The following STAT5B variants were observed in gnomAD, a reference collection of about 807,000 sequenced individuals.
STAT5B encodes the protein transcription factor STAT5B.
In STAT5B, 21 loss-of-function variants were observed where a neutral mutation model predicts 107.8. The observed-to-expected ratio is 0.19, with a 90% confidence interval of 0.14 to 0.28. STAT5B has a LOEUF of 0.28. Among genes scored for constraint, STAT5B ranks in the 10% least tolerant of loss-of-function variants. STAT5B has a pLI of 1.00. For missense variants in STAT5B, 565 were observed against 1,008.2 expected (o/e 0.56, Z 5.95); for synonymous variants, 325 against 401.7 (o/e 0.81, Z 2.28).
intron 1 of STAT5B, among the ~76,000 whole-genome samples, chr17:42,249,146 C>T (rs2080476834): frequency 6.6e-6 from 1 of 152,214 alleles, no homozygotes. Flanking sequence ...AATCCCAGCA[C>T]TTTGGGAGGC....
chr17:42,235,714 G>A (rs2080351441), intron 1 of STAT5B, among the ~76,000 whole-genome samples: 1 of 152,200 alleles, frequency 6.6e-6, no homozygotes, highest in African/African-American at 2.4e-5. Context: ...CTGACCTCGT[G>A]ATCTGCCCTC....
At chr17:42,261,425 C>T (rs1435817563) in intron 1 of STAT5B, among the ~76,000 whole-genome samples, 1 of 152,130 alleles carries the variant, frequency 6.6e-6, no homozygotes, top group Non-Finnish European at 1.5e-5. Context: ...TTTAAAAGCA[C>T]TAAAAAGTAC....
At chr17:42,263,763 G>A (rs919670877) in intron 1 of STAT5B, among the ~76,000 whole-genome samples, 1 of 151,950 alleles carries the variant, frequency 6.6e-6, no homozygotes, top group Admixed American at 6.6e-5. Flanking sequence ...CTGGACTCAA[G>A]TGATCCTCCC....
intron 12 of STAT5B, chr17:42,214,268 G>A: frequency 1.0e-6 from 1 of 985,190 alleles, no homozygotes; most frequent in Non-Finnish European, 1.2e-6. Flanking sequence ...AGATGCCAAA[G>A]GTACACAGAG....
At chr17:42,238,366 T>A (rs1179836491) in intron 1 of STAT5B, among the ~76,000 whole-genome samples, 1 of 148,400 alleles carries the variant, frequency 6.7e-6, no homozygotes. Flanking sequence ...CCCAGGCTGG[T>A]CTCAAACTCC....
chr17:42,227,010 CT>C (rs1437409611), intron 3 of STAT5B, among the ~76,000 whole-genome samples: 11 of 149,950 alleles, frequency 7.3e-5, no homozygotes, highest in South Asian at 2.1e-4. Flanking sequence ...TGGCAGGAGC[CT>C]GTAATCCCAG....
chr17:42,210,481 C>T lies in STAT5B; in HGVS notation c.1697G>A (p.Arg566Gln). The T allele has an allele frequency of 1.2e-6, 2 of 1,614,114 alleles. No individual in the cohort carries two copies. Among genetic ancestry groups the T allele is most frequent in the South Asian group, 1.1e-5 (1 of 91,074 alleles). Residue 566 changes from arginine to glutamine, a missense_variant, in exon 14 of 19, where the codon CGG (arginine) becomes CAG (glutamine). Transcript: ENST00000293328. The stretch of plus-strand genomic sequence containing the variant: ...AAACCATTGCCAGAAAGTGTAATTC[C>T]GTCCTGGTAAATTCTCCTGGTTGGA... ...SQFNRENLPG[R>Q]NYTFWQWFDG...
At chr17:42,231,486 T>G (rs527674803) in intron 2 of STAT5B, among the ~76,000 whole-genome samples, 3 of 152,198 alleles carry the variant, frequency 2.0e-5, no homozygotes, top group Admixed American at 2.0e-4. Flanking sequence ...GTACTACAGG[T>G]GCACACCACC....
At chr17:42,222,933 C>G (rs1310428393) in intron 5 of STAT5B, among the ~76,000 whole-genome samples, 1 of 152,114 alleles carries the variant, frequency 6.6e-6, no homozygotes, top group South Asian at 2.1e-4. Context: ...ATCCGCCTGC[C>G]TCAGCCTCCC....
the STAT5B span, among the ~76,000 whole-genome samples, chr17:42,284,805 C>T: frequency 2.0e-5 from 3 of 152,166 alleles, no homozygotes; most frequent in Admixed American, 6.5e-5. Flanking sequence ...CCACAAGGCC[C>T]GGCAACTTGG....
chr17:42,267,463 G>A (rs1298112479), intron 1 of STAT5B, among the ~76,000 whole-genome samples: 1 of 152,098 alleles, frequency 6.6e-6, no homozygotes, highest in Non-Finnish European at 1.5e-5. Context: ...CTAGACTAAT[G>A]TGTGTGTTTA....
At chr17:42,207,464 A>C in intron 16 of STAT5B, 94 bp downstream of exon 16, 4 of 1,496,146 alleles carry the variant, frequency 2.7e-6, no homozygotes, top group South Asian at 1.1e-5. Context: ...TTTTCACACA[A>C]GAGAGATAAC....
chr17:42,199,971 G>A lies in STAT5B; in HGVS notation c.*1767C>T, dbSNP rs564340503. On this transcript the variant is annotated 3_prime_UTR_variant, in exon 19 of 19. Transcript: ENST00000293328. ...CAGGCTCTCCTTCTCACCCTTCCCCGATGCACCCATCCTCATGGTTGGAAT... is the reference window on the plus strand; with the variant it reads ...CAGGCTCTCCTTCTCACCCTTCCCCAATGCACCCATCCTCATGGTTGGAAT... The A allele has an allele frequency of 3.9e-5, 6 of 152,546 alleles. No homozygotes were observed. The South Asian group carries it at 8.3e-4, about 21-fold the overall frequency. 9.4% of individuals were successfully genotyped at this position (152,546 alleles called of 1,614,324 possible). A position where few individuals can be genotyped will look rare whatever the true frequency, so the allele number is the denominator to read the frequency against.
chr17:42,218,066 T>A (rs2080188508), intron 9 of STAT5B, 85 bp downstream of exon 9: 2 of 1,554,308 alleles, frequency 1.3e-6, no homozygotes, highest in Non-Finnish European at 1.7e-6. Flanking sequence ...CAAACAGGGA[T>A]CTGACACAGG....
chr17:42,263,866 A>AGCGC (rs200810500), intron 1 of STAT5B, among the ~76,000 whole-genome samples: 18 of 93,268 alleles, frequency 1.9e-4, no homozygotes, highest in South Asian at 3.9e-4. Context: ...GATACTAGAA[A>AGCGC]GCGCGCACAC....
At chr17:42,277,523 C>T (rs1459936761), upstream of STAT5B, among the ~76,000 whole-genome samples, 2 of 152,188 alleles carry the variant, frequency 1.3e-5, no homozygotes, top group Non-Finnish European at 2.9e-5. Flanking sequence ...AAACCCTTCT[C>T]CGCTACCCAG....
chr17:42,224,012 A>G (rs146144293), intron 4 of STAT5B, among the ~76,000 whole-genome samples: 5 of 152,162 alleles, frequency 3.3e-5, no homozygotes, highest in Admixed American at 2.6e-4. Flanking sequence ...CTCACTCAAG[A>G]TATTCTCGTG....
At chr17:42,233,546 C>T (rs1339637281) in intron 1 of STAT5B, among the ~76,000 whole-genome samples, 6 of 151,112 alleles carry the variant, frequency 4.0e-5, no homozygotes, top group East Asian at 2.0e-4. Flanking sequence ...GCTGGAGTGC[C>T]GTGACGCGAT....
At chr17:42,262,355 T>C (rs951465002) in intron 1 of STAT5B, among the ~76,000 whole-genome samples, 7 of 152,204 alleles carry the variant, frequency 4.6e-5, no homozygotes, top group Admixed American at 1.3e-4. Flanking sequence ...AGATGGGGTC[T>C]TGCTATGTTG....
Sources: allele counts gnomAD v4.1 joint callset (sites outside exome capture counted in the v4.1 genomes callset), GRCh38; gene constraint gnomAD v4.1.1; transcripts MANE v1.5; gene names NCBI Gene and HGNC (gene_info 2026-07-23, HGNC 2026-07-21).